Variants in ADAMTS17 observed in about 807,000 individuals in gnomAD.
ADAMTS17 encodes the protein A disintegrin and metalloproteinase with thrombospondin motifs 17.
Under a neutral mutation model 141.5 loss-of-function variants are expected in ADAMTS17, and 113 were observed. The observed-to-expected ratio is 0.80, with a 90% confidence interval of 0.69 to 0.93. The LOEUF is 0.93. Among genes scored for constraint, ADAMTS17 ranks in the 40% least tolerant of loss-of-function variants. The pLI is 0.00. For synonymous variants in ADAMTS17, 768 were observed against 630.6 expected (o/e 1.22, Z -3.27); for missense variants, 1,659 against 1,517.9 (o/e 1.09, Z -1.54).
chr15:100,077,940 T>C (rs2034491340), intron 15 of ADAMTS17, among the ~76,000 whole-genome samples: 1 of 152,190 alleles, frequency 6.6e-6, no homozygotes, highest in Middle Eastern at 3.2e-3. Context: ...AAAAATCAAC[T>C]GCATTTCTAT....
intron 7 of ADAMTS17, among the ~76,000 whole-genome samples, chr15:100,209,113 C>CAAAAAAAAAAAAAAAAAAAAAAAA (rs60742726): frequency 1.0e-5 from 1 of 96,962 alleles, no homozygotes; most frequent in Non-Finnish European, 1.9e-5. Flanking sequence ...GCCAAGTTAG[C>CAAAAAAAAAAAAAAAAAAAAAAAA]AAAAAAAAAA....
chr15:99,977,379 TATATATATATATATATATATAA>T (rs1402186050), intron 20 of ADAMTS17, among the ~76,000 whole-genome samples: 2,697 of 23,918 alleles, frequency 0.11, 510 homozygotes, highest in Non-Finnish European at 0.14. Context: ...TATATATATA[TATATATATATATATATATATAA>T]TTTTTTTTTT....
intron 10 of ADAMTS17, among the ~76,000 whole-genome samples, chr15:100,149,464 TGGTCACCTGCTCCGTCCTGATTCATCC>T (rs1214689711): frequency 6.6e-5 from 10 of 151,934 alleles, no homozygotes; most frequent in African/African-American, 2.4e-4. Context: ...TCTGTTCCCC[TGGTCACCTGCTCCGTCCTGATTCATCC>T]TGGTCACCTG....
At chr15:100,060,861 T>C (rs2033064561) in intron 15 of ADAMTS17, among the ~76,000 whole-genome samples, 1 of 152,192 alleles carries the variant, frequency 6.6e-6, no homozygotes, top group Non-Finnish European at 1.5e-5. Flanking sequence ...TTCAAAGTAA[T>C]TCAAAGTTAC....
At chr15:100,317,031 A>G (rs1444690172) in intron 3 of ADAMTS17, among the ~76,000 whole-genome samples, 1 of 152,188 alleles carries the variant, frequency 6.6e-6, no homozygotes, top group Non-Finnish European at 1.5e-5. Context: ...TTTTAGAGTG[A>G]TATGGTTGGG....
chr15:100,126,781 G>A (rs1365660786), intron 12 of ADAMTS17, among the ~76,000 whole-genome samples: 3 of 152,204 alleles, frequency 2.0e-5, no homozygotes, highest in Admixed American at 6.5e-5. Flanking sequence ...TGGAGTGGCC[G>A]CTCTGCTGTG....
chr15:100,262,909 AG>A (rs2043580198), intron 4 of ADAMTS17, among the ~76,000 whole-genome samples: 1 of 152,184 alleles, frequency 6.6e-6, no homozygotes. Flanking sequence ...TTTATTTAAA[AG>A]GTTGTCCAGG....
At chr15:100,186,166 G>A (rs1275451877) in intron 8 of ADAMTS17, among the ~76,000 whole-genome samples, 11 of 152,156 alleles carry the variant, frequency 7.2e-5, no homozygotes, top group African/African-American at 2.7e-4. Context: ...AGATATACTC[G>A]CTGGCAGTGA....
chr15:100,299,977 T>C (rs2044971219), intron 3 of ADAMTS17, among the ~76,000 whole-genome samples: 1 of 152,206 alleles, frequency 6.6e-6, no homozygotes, highest in African/African-American at 2.4e-5. Context: ...GTTCAGTCAT[T>C]GTTTCTGAAT....
At chr15:100,205,619 C>A (rs190711041) in intron 7 of ADAMTS17, among the ~76,000 whole-genome samples, 3 of 152,284 alleles carry the variant, frequency 2.0e-5, no homozygotes, top group Admixed American at 2.0e-4. Flanking sequence ...CCCTGATGCC[C>A]ACCAGAAATG....
chr15:100,302,672 T>C (rs374158111), intron 3 of ADAMTS17, among the ~76,000 whole-genome samples: 8 of 152,332 alleles, frequency 5.3e-5, no homozygotes, highest in East Asian at 1.9e-4. Flanking sequence ...CAGGTGCTTA[T>C]TGTCTATTTG....
chr15:100,226,743 G>T (rs2042324835), intron 7 of ADAMTS17, among the ~76,000 whole-genome samples: 1 of 152,212 alleles, frequency 6.6e-6, no homozygotes, highest in African/African-American at 2.4e-5. Context: ...GAAACCAATG[G>T]TGAGTTTTAT....
chr15:100,330,943 G>A lies in ADAMTS17; in HGVS notation c.562C>T (p.Pro188Ser), dbSNP rs781094037. The change falls in exon 3 of 22, where the codon CCC (proline) becomes TCC (serine). Residue 188 changes from proline to serine, a missense_variant. Transcript: ENST00000268070. ...CTCTGGGCCTCAGCAGAAGGGCTGG[G>A]GGTCAAGGACCATTTGCGCCTGATC... is the stretch of plus-strand genomic sequence containing the variant. ...HLIRRKWSLT[P>S]SPSAEAQRPE... is the part of the protein sequence containing the mutation. The A allele has an allele frequency of 1.9e-6, 3 of 1,614,004 alleles. No homozygotes were observed. The highest frequency in any genetic ancestry group is 1.3e-5 in the African/African-American group (1 of 74,880).
chr15:100,213,248 G>A (rs564846927), intron 7 of ADAMTS17, among the ~76,000 whole-genome samples: 12 of 152,174 alleles, frequency 7.9e-5, no homozygotes, highest in Non-Finnish European at 1.3e-4. Flanking sequence ...CAGAGTATAT[G>A]CTTACAAATG....
chr15:100,106,825 C>G (rs928251632), intron 14 of ADAMTS17, among the ~76,000 whole-genome samples: 1 of 152,190 alleles, frequency 6.6e-6, no homozygotes, highest in Non-Finnish European at 1.5e-5. Context: ...GAACCATCGG[C>G]GATGCCTCAT....
chr15:100,271,203 A>ATTTGGTGTACAAATTATAC (rs1226378894), intron 4 of ADAMTS17, among the ~76,000 whole-genome samples: 2 of 152,206 alleles, frequency 1.3e-5, no homozygotes, highest in Non-Finnish European at 2.9e-5. Flanking sequence ...TCCTGCTATG[A>ATTTGGTGTACAAATTATAC]ACATTGGTGT....
At chr15:100,140,053 T>C (rs968478082) in intron 10 of ADAMTS17, among the ~76,000 whole-genome samples, 27 of 152,174 alleles carry the variant, frequency 1.8e-4, no homozygotes, top group African/African-American at 6.5e-4. Flanking sequence ...TGGAGTGCAG[T>C]GGTGCAATCT....
At chr15:100,090,606 C>A (rs544222227) in intron 15 of ADAMTS17, among the ~76,000 whole-genome samples, 8 of 152,176 alleles carry the variant, frequency 5.3e-5, no homozygotes, top group African/African-American at 1.4e-4. Flanking sequence ...CAGTTCAGGG[C>A]GGACTCGGTA....
intron 13 of ADAMTS17, among the ~76,000 whole-genome samples, chr15:100,115,892 T>C (rs990736568): frequency 6.6e-6 from 1 of 152,202 alleles, no homozygotes; most frequent in Non-Finnish European, 1.5e-5. Flanking sequence ...GCTTATTTTC[T>C]GTGAGTCAAC....
Sources: gnomAD v4.1 joint callset for allele counts (sites outside exome capture counted in the v4.1 genomes callset) on GRCh38, gnomAD v4.1.1 for gene constraint, MANE v1.5 for transcripts, NCBI Gene and HGNC (gene_info 2026-07-23, HGNC 2026-07-21) for gene names.